Variants in ITCH observed in about 807,000 individuals in gnomAD.
ITCH encodes the protein itchy E3 ubiquitin protein ligase.
Under a neutral mutation model 126.8 loss-of-function variants are expected in ITCH, and 28 were observed. The ratio of observed to expected loss-of-function variants is 0.22; its 90% CI spans 0.16 to 0.30. ITCH has a LOEUF of 0.30. Among genes scored for constraint, ITCH ranks in the 10% least tolerant of loss-of-function variants. The pLI, the probability that ITCH is intolerant of heterozygous loss-of-function variation, is 1.00. For missense variants in ITCH, 631 were observed against 1,032.4 expected (o/e 0.61, Z 5.33); for synonymous variants, 342 against 340.0 (o/e 1.01, Z -0.06).
chr20:34,444,884 C>T (rs144552982), intron 10 of ITCH, among the ~76,000 whole-genome samples: 3,246 of 152,276 alleles, frequency 0.021, 52 homozygotes, highest in African/African-American at 0.05. Context: ...TCAAGTGATC[C>T]GCCTGCTTTG....
intron 17 of ITCH, among the ~76,000 whole-genome samples, chr20:34,478,394 T>C (rs986177436): frequency 6.6e-6 from 1 of 152,234 alleles, no homozygotes; most frequent in Non-Finnish European, 1.5e-5. Context: ...TTAATTCTGC[T>C]TTCTTCATAT....
At chr20:34,442,330 A>C (rs773618047) in intron 10 of ITCH, 27 bp downstream of exon 10, 2 of 1,471,944 alleles carry the variant, frequency 1.4e-6, no homozygotes, top group South Asian at 1.1e-5. Flanking sequence ...AAAAAGAATA[A>C]TTTTATTTAG....
intron 13 of ITCH, among the ~76,000 whole-genome samples, chr20:34,461,589 C>A (rs1367514036): frequency 6.6e-6 from 1 of 151,840 alleles, no homozygotes; most frequent in Non-Finnish European, 1.5e-5. Flanking sequence ...GTGGCAGGCG[C>A]CTGTAGTCCC....
At chr20:34,441,824 A>G (rs564550329) in intron 9 of ITCH, 13 of 249,862 alleles carry the variant, frequency 5.2e-5, no homozygotes, top group African/African-American at 2.9e-4. Flanking sequence ...GACCTCAAGT[A>G]ATCCACCCGT....
At chr20:34,448,577 G>T (rs554595816) in intron 11 of ITCH, among the ~76,000 whole-genome samples, 1 of 151,916 alleles carries the variant, frequency 6.6e-6, no homozygotes, top group African/African-American at 2.4e-5. Flanking sequence ...GGGATTCATT[G>T]CCCTGTTTTA....
chr20:34,423,221 A>T (rs538398947), intron 6 of ITCH, among the ~76,000 whole-genome samples: 1 of 152,336 alleles, frequency 6.6e-6, no homozygotes, highest in Non-Finnish European at 1.5e-5. Context: ...TCCATGATAT[A>T]GCGTGTTTCA....
At chr20:34,498,169 G>A (rs573427389) in intron 23 of ITCH, among the ~76,000 whole-genome samples, 1 of 152,010 alleles carries the variant, frequency 6.6e-6, no homozygotes, top group Non-Finnish European at 1.5e-5. Context: ...GCTGATTTTT[G>A]TATGTTGATT....
intron 3 of ITCH, chr20:34,402,204 A>G: frequency 7.1e-7 from 1 of 1,414,664 alleles, no homozygotes; most frequent in Non-Finnish European, 1.0e-6. Flanking sequence ...GGCAGCCAAT[A>G]TTGCTTCGTC....
chr20:34,397,554 T>C (rs553742152), intron 3 of ITCH, among the ~76,000 whole-genome samples: 2 of 152,218 alleles, frequency 1.3e-5, no homozygotes, highest in Admixed American at 6.5e-5. Flanking sequence ...TATCTTAGCA[T>C]TATTATTTTC....
At chr20:34,415,428 C>G (rs1025065393) in intron 6 of ITCH, among the ~76,000 whole-genome samples, 1 of 152,004 alleles carries the variant, frequency 6.6e-6, no homozygotes, top group Non-Finnish European at 1.5e-5. Context: ...GTGTGTGGCA[C>G]GTGCCTGTAG....
chr20:34,391,048 C>CGGCCTA lies in ITCH; in HGVS notation c.-21-2741_-21-2736dup, dbSNP rs547977097. Among the ~76,000 whole-genome samples the CGGCCTA allele has an allele frequency of 5.1e-3, 778 of 152,306 alleles. 3 individuals carry two copies. The highest frequency in any genetic ancestry group is 8.2e-3 in the Non-Finnish European group (559 of 68,026). On this transcript the variant is annotated intron_variant, in intron 2 of 24. Transcript: ENST00000374864. ...GATTACAGGAGTGAGTCACCACGCC[C>CGGCCTA]GGCCTAGATTTAATCATTTTAACCA... is the stretch of plus-strand genomic sequence containing the variant.
intron 2 of ITCH, chr20:34,384,106 A>C (rs2038175470): frequency 6.7e-6 from 1 of 149,218 alleles, no homozygotes; most frequent in Non-Finnish European, 1.5e-5. Context: ...AGCCTCCCAA[A>C]GTGTTTTTGG....
At chr20:34,440,005 A>T in intron 8 of ITCH, 150 bp from the exon 9 acceptor site, 1 of 647,698 alleles carries the variant, frequency 1.5e-6, no homozygotes. Context: ...GTTATTTCCC[A>T]TTACTTATTT....
At chr20:34,484,385 T>C (rs1320379662) in intron 20 of ITCH, among the ~76,000 whole-genome samples, 1 of 152,228 alleles carries the variant, frequency 6.6e-6, no homozygotes, top group African/African-American at 2.4e-5. Context: ...TTTAACACAG[T>C]GAGCTGTCAT....
chr20:34,377,106 G>A (rs1411962752), intron 2 of ITCH, among the ~76,000 whole-genome samples: 6 of 152,170 alleles, frequency 3.9e-5, no homozygotes. Context: ...AGGCATGGTG[G>A]CTCACACCTG....
At chr20:34,450,511 A>G (rs751082341) in intron 12 of ITCH, among the ~76,000 whole-genome samples, 13 of 152,152 alleles carry the variant, frequency 8.5e-5, no homozygotes, top group Non-Finnish European at 1.3e-4. Flanking sequence ...AGCTGGACCT[A>G]CCCTACTAGG....
chr20:34,484,817 G>T (rs1013328011), intron 20 of ITCH, among the ~76,000 whole-genome samples: 2 of 152,142 alleles, frequency 1.3e-5, no homozygotes, highest in African/African-American at 4.8e-5. Flanking sequence ...AGTTGTGCTA[G>T]ATCACTCATT....
chr20:34,373,279 ATTT>A (rs540547732), intron 2 of ITCH, among the ~76,000 whole-genome samples: 2 of 126,764 alleles, frequency 1.6e-5, no homozygotes, highest in Non-Finnish European at 1.7e-5. Flanking sequence ...GGCCAAATGT[ATTT>A]TTTTTTTTTT....
chr20:34,490,295 T>C (rs980179731), intron 22 of ITCH, among the ~76,000 whole-genome samples: 9 of 152,342 alleles, frequency 5.9e-5, no homozygotes, highest in African/African-American at 1.9e-4. Flanking sequence ...TTTAGAATCA[T>C]AACGGTATCT....
Sources: gnomAD v4.1 joint callset for allele counts (sites outside exome capture counted in the v4.1 genomes callset) on GRCh38, gnomAD v4.1.1 for gene constraint, MANE v1.5 for transcripts, NCBI Gene and HGNC (gene_info 2026-07-23, HGNC 2026-07-21) for gene names.